ZFPM2: variants seen among roughly 807,000 people sequenced by gnomAD.
ZFPM2 encodes zinc finger protein ZFPM2.
In ZFPM2, 20 loss-of-function variants were observed where a neutral mutation model predicts 98.6. The ratio of observed to expected loss-of-function variants is 0.20; its 90% CI spans 0.14 to 0.29. The LOEUF is 0.29. Among genes scored for constraint, ZFPM2 ranks in the 10% least tolerant of loss-of-function variants. ZFPM2 has a pLI of 1.00. For missense variants in ZFPM2, 1,310 were observed against 1,388.6 expected, an observed-to-expected ratio of 0.94 and a Z score of 0.90; for synonymous variants, 518 against 502.7, an observed-to-expected ratio of 1.03 and a Z score of -0.41.
At chr8:105,364,722 A>G (rs1392443131) in intron 1 of ZFPM2, among the ~76,000 whole-genome samples, 3 of 152,114 alleles carry the variant, frequency 2.0e-5, no homozygotes, top group Non-Finnish European at 2.9e-5. Context: ...GGCCAAATCA[A>G]GTGTAAGAGT....
chr8:105,648,910 T>A (rs1427062816), intron 5 of ZFPM2, among the ~76,000 whole-genome samples: 1 of 152,228 alleles, frequency 6.6e-6, no homozygotes, highest in Non-Finnish European at 1.5e-5. Context: ...CCCAATTCTG[T>A]GAAGACAGTC....
rs770899513 is a variant in ZFPM2, at chr8:105,603,014, A to G, written c.421-31232A>G. On this transcript the variant is annotated intron_variant, in intron 4 of 7. Coordinates refer to ENST00000407775, the MANE Select transcript of ZFPM2 (RefSeq NM_012082.4). ...TGTAACAAACTAAATTTTCTTTCATATACTTATAAATGTACTATGATACAT... is the reference window on the plus strand; with the variant it reads ...TGTAACAAACTAAATTTTCTTTCATGTACTTATAAATGTACTATGATACAT... 9.9e-5 allele frequency among the ~76,000 whole-genome samples: 15 copies of G among 152,170 alleles called. No homozygotes were observed. In the East Asian group the frequency reaches 1.2e-3, roughly 12 times the overall value.
At chr8:105,481,806 T>C (rs183547133) in intron 3 of ZFPM2, among the ~76,000 whole-genome samples, 1 of 152,296 alleles carries the variant, frequency 6.6e-6, no homozygotes, top group Admixed American at 6.5e-5. Flanking sequence ...GACCAGACTG[T>C]CAGTTTTGGA....
chr8:105,788,884 A>G lies in ZFPM2; in HGVS notation c.699A>G (p.Gln233=), dbSNP rs1241138965. 2 of 1,613,834 alleles carry G rather than the reference A, an allele frequency of 1.2e-6. No homozygotes were observed. The highest frequency in any genetic ancestry group is 1.3e-5 in the African/African-American group (1 of 75,006). The stretch of plus-strand genomic sequence containing the variant: ...ACTCAATTCAGCTGCTTCCTCAGCA[A>G]GCTGCCATGGCTTCTATTTTGCCCA... ...LLDSIQLLPQ[Q]AAMASILPTA... is the part of the protein sequence containing the mutation. Residue 233 remains glutamine (Q), a synonymous_variant, in exon 6 of 8, where the codon CAA becomes CAG. Transcript: ENST00000407775.
At chr8:105,670,436 C>A (rs1817572198) in intron 5 of ZFPM2, among the ~76,000 whole-genome samples, 1 of 134,590 alleles carries the variant, frequency 7.4e-6, no homozygotes, top group Admixed American at 8.9e-5. Context: ...GCGGAGCTTG[C>A]AGTGAGCCGA....
At chr8:105,666,788 A>AT (rs1175347227) in intron 5 of ZFPM2, among the ~76,000 whole-genome samples, 4 of 152,120 alleles carry the variant, frequency 2.6e-5, no homozygotes, top group African/African-American at 7.2e-5. Flanking sequence ...AAAAGTCTGC[A>AT]TTTTTTTACC....
chr8:105,478,248 A>G (rs1813050437), intron 3 of ZFPM2, among the ~76,000 whole-genome samples: 1 of 152,176 alleles, frequency 6.6e-6, no homozygotes. Context: ...TCTCTTGTGT[A>G]GTGTTTTCTC....
At chr8:105,426,508 T>C (rs1811915268) in intron 2 of ZFPM2, among the ~76,000 whole-genome samples, 1 of 152,182 alleles carries the variant, frequency 6.6e-6, no homozygotes. Context: ...CATGACATTA[T>C]TGTTCCTTGG....
At chr8:105,438,910 T>A (rs905078469) in intron 2 of ZFPM2, among the ~76,000 whole-genome samples, 1 of 152,214 alleles carries the variant, frequency 6.6e-6, no homozygotes, top group African/African-American at 2.4e-5. Flanking sequence ...TCTTACCACT[T>A]GGAATTATTC....
chr8:105,480,634 A>G (rs1813096230), intron 3 of ZFPM2, among the ~76,000 whole-genome samples: 1 of 152,238 alleles, frequency 6.6e-6, no homozygotes, highest in Non-Finnish European at 1.5e-5. Context: ...TTCAAGAAAA[A>G]AAGGCATATT....
chr8:105,549,453 T>G (rs546217337), intron 3 of ZFPM2, among the ~76,000 whole-genome samples: 2 of 151,608 alleles, frequency 1.3e-5, no homozygotes, highest in Non-Finnish European at 2.9e-5. Context: ...TTTGGTGTCC[T>G]TTACACTTGT....
chr8:105,651,503 T>C (rs1817175225), intron 5 of ZFPM2, among the ~76,000 whole-genome samples: 1 of 151,836 alleles, frequency 6.6e-6, no homozygotes, highest in Admixed American at 6.6e-5. Flanking sequence ...CCTTGCTTGC[T>C]TATATCTACC....
intron 3 of ZFPM2, among the ~76,000 whole-genome samples, chr8:105,510,990 G>T (rs1193898528): frequency 6.6e-6 from 1 of 152,212 alleles, no homozygotes; most frequent in Non-Finnish European, 1.5e-5. Flanking sequence ...CTCACAGGCA[G>T]TTCCTTGGTG....
At chr8:105,614,159 T>C (rs1816365968) in intron 4 of ZFPM2, among the ~76,000 whole-genome samples, 1 of 152,192 alleles carries the variant, frequency 6.6e-6, no homozygotes, top group Non-Finnish European at 1.5e-5. Context: ...TTCCAAACAA[T>C]TCCAGGCATA....
intron 5 of ZFPM2, among the ~76,000 whole-genome samples, chr8:105,735,224 GA>G (rs1796452785): frequency 6.7e-6 from 1 of 150,348 alleles, no homozygotes. Context: ...CTGTAACAAA[GA>G]ATAGAAAATG....
At chr8:105,347,220 G>C (rs1437871010) in intron 1 of ZFPM2, among the ~76,000 whole-genome samples, 2 of 147,662 alleles carry the variant, frequency 1.4e-5, no homozygotes, top group East Asian at 4.0e-4. Context: ...TTCAATCTAA[G>C]CGTGATTATT....
chr8:105,411,888 CCT>C (rs1225021915), intron 1 of ZFPM2, among the ~76,000 whole-genome samples: 2 of 151,710 alleles, frequency 1.3e-5, no homozygotes, highest in Non-Finnish European at 2.9e-5. Context: ...TATTTCTTCC[CCT>C]GACTTTATTT....
At chr8:105,659,010 G>A (rs1370239037) in intron 5 of ZFPM2, among the ~76,000 whole-genome samples, 1 of 152,162 alleles carries the variant, frequency 6.6e-6, no homozygotes, top group African/African-American at 2.4e-5. Flanking sequence ...CTGAGAACAG[G>A]AATAAAATGT....
At chr8:105,581,899 C>T (rs936548897) in intron 4 of ZFPM2, among the ~76,000 whole-genome samples, 16 of 152,144 alleles carry the variant, frequency 1.1e-4, no homozygotes, top group African/African-American at 3.6e-4. Context: ...ACCATCACAT[C>T]GTTGTGGGGA....
Sources: gnomAD v4.1 joint callset for allele counts (sites outside exome capture counted in the v4.1 genomes callset) on GRCh38, gnomAD v4.1.1 for gene constraint, MANE v1.5 for transcripts, NCBI Gene and HGNC (gene_info 2026-07-23, HGNC 2026-07-21) for gene names.